The following TMC7 variants were observed in gnomAD, a reference collection of about 807,000 sequenced individuals.
TMC7 encodes transmembrane channel like 7.
In TMC7, 54 loss-of-function variants were observed where a neutral mutation model predicts 82.9. That is an observed-to-expected ratio of 0.65 (90% CI 0.52 to 0.82). TMC7 has a LOEUF of 0.82. Among genes scored for constraint, TMC7 ranks in the 40% least tolerant of loss-of-function variants. The pLI, the probability that TMC7 is intolerant of heterozygous loss-of-function variation, is 0.00. For synonymous variants in TMC7, 350 were observed against 337.9 expected, an observed-to-expected ratio of 1.04 and a Z score of -0.39; for missense variants, 820 against 901.2, an observed-to-expected ratio of 0.91 and a Z score of 1.15.
intron 8 of TMC7, 35 bp downstream of exon 8, chr16:19,038,082 C>G: frequency 6.3e-7 from 1 of 1,584,130 alleles, no homozygotes; most frequent in Non-Finnish European, 8.6e-7. Flanking sequence ...GACATTATGC[C>G]TAGTGCACTG....
intron 1 of TMC7, among the ~76,000 whole-genome samples, chr16:19,007,146 G>A (rs2039255218): frequency 6.6e-6 from 1 of 152,014 alleles, no homozygotes; most frequent in African/African-American, 2.4e-5. Context: ...TTGAAGACAC[G>A]AGCCTGGGGC....
chr16:19,024,931 G>A (rs1324609636), intron 5 of TMC7, among the ~76,000 whole-genome samples: 8 of 151,980 alleles, frequency 5.3e-5, no homozygotes, highest in Non-Finnish European at 7.4e-5. Flanking sequence ...ATGTGAACCC[G>A]GGAGGCGGAG....
intron 3 of TMC7, among the ~76,000 whole-genome samples, chr16:19,016,799 AGTT>A (rs1446975235): frequency 2.0e-5 from 3 of 152,166 alleles, no homozygotes; most frequent in Non-Finnish European, 2.9e-5. Flanking sequence ...TGTCCCTTCC[AGTT>A]GTTGTATTTA....
intron 1 of TMC7, 173 bp downstream of exon 1, chr16:18,984,303 C>G: frequency 7.6e-7 from 1 of 1,318,678 alleles, no homozygotes; most frequent in Non-Finnish European, 9.6e-7. Flanking sequence ...ATTCCTGCTC[C>G]CTCCACAAAC....
At chr16:19,040,251 C>T (rs747741008) in intron 8 of TMC7, 38 bp from the exon 9 acceptor site, 1 of 1,586,906 alleles carries the variant, frequency 6.3e-7, no homozygotes, top group East Asian at 2.2e-5. Flanking sequence ...GTAACTTCCT[C>T]ATATACTCCT....
chr16:18,992,608 C>G (rs201223828), intron 1 of TMC7, among the ~76,000 whole-genome samples: 1 of 151,928 alleles, frequency 6.6e-6, no homozygotes, highest in Non-Finnish European at 1.5e-5. Flanking sequence ...TTAATTAGAT[C>G]CCTTTTGTCA....
rs892238961 is a variant in TMC7 at position 19,050,793 on chromosome 16, G to A, written c.1741-893G>A. ...TGGGATTACAGGCGTGAGCCACCACGCCCGGCCTCATCCTTCTTTAGGACT... is the reference window on the plus strand; with the variant it reads ...TGGGATTACAGGCGTGAGCCACCACACCCGGCCTCATCCTTCTTTAGGACT... On this transcript the variant is annotated intron_variant, in intron 12 of 15. Coordinates refer to ENST00000304381, the MANE Select transcript of TMC7 (RefSeq NM_024847.4). Among the ~76,000 whole-genome samples, 6 of 151,670 alleles carry A rather than the reference G, an allele frequency of 4.0e-5. 1 individual carries two copies. Among genetic ancestry groups the A allele is most frequent in the Admixed American group, 2.0e-4 (3 of 15,210 alleles).
intron 1 of TMC7, 77 bp downstream of exon 1, chr16:18,984,207 G>T (rs1257749817): frequency 5.0e-6 from 7 of 1,393,228 alleles, no homozygotes; most frequent in Non-Finnish European, 6.5e-6. Flanking sequence ...GGTGCTGGAG[G>T]CTCGGCCTGG....
In TMC7 at chr16:19,035,529, A is replaced by G. The variant is rs1219710539; in HGVS notation, c.858-147A>G. ...TGAGATACCTTGTTAGCTGCCACATATATTTAGAATGGCCCCAAACTTGAC... is the reference window on the plus strand; with the variant it reads ...TGAGATACCTTGTTAGCTGCCACATGTATTTAGAATGGCCCCAAACTTGAC... On this transcript the variant is annotated intron_variant, in intron 6 of 15. Coordinates refer to ENST00000304381, the MANE Select transcript of TMC7 (RefSeq NM_024847.4). 1.1e-5 allele frequency: 9 copies of G among 817,234 alleles called. No homozygotes were observed. In the East Asian group the frequency reaches 2.1e-4, roughly 19 times the overall value. 50.6% of individuals were successfully genotyped at this position (817,234 alleles called of 1,614,324 possible). A position where few individuals can be genotyped will look rare whatever the true frequency, so the allele number is the denominator to read the frequency against.
rs193252373 is a variant in TMC7 at position 19,005,562 on chromosome 16, T to C, written c.68-3610T>C. Among the ~76,000 whole-genome samples the C allele has an allele frequency of 4.3e-3, 648 of 152,274 alleles. 2 individuals are homozygous for C. Among genetic ancestry groups the C allele is most frequent in the Non-Finnish European group, 6.9e-3 (471 of 68,016 alleles). ...AAATGTGACTCTGAGGCAGCTGTGG[T>C]CTCTCCTGGGGTGGCTTGGCTGGTG... On this transcript the variant is annotated intron_variant, in intron 1 of 15. Coordinates refer to ENST00000304381, the MANE Select transcript of TMC7 (RefSeq NM_024847.4).
In TMC7 at chr16:19,021,762, C is replaced by T. The variant is rs1959987414; in HGVS notation, c.594C>T (p.Asn198=). The change falls in exon 4 of 16, where the codon AAC becomes AAT. Residue 198 remains asparagine (N), a synonymous_variant. Transcript: ENST00000304381. ...TACTCACGAAATACAAGATCACCAA[C>T]AGCAGCTTCGTGCTCATTCCTTTCA... is the stretch of plus-strand genomic sequence containing the variant. ...PVLLTKYKIT[N]SSFVLIPFKD... 6.2e-7 allele frequency: 1 copy of T among 1,614,090 alleles called. No individual in the cohort carries two copies. The highest frequency in any genetic ancestry group is 1.3e-5 in the African/African-American group (1 of 74,948).
intron 7 of TMC7, among the ~76,000 whole-genome samples, chr16:19,037,527 G>A (rs1222464957): frequency 6.8e-6 from 1 of 147,402 alleles, no homozygotes; most frequent in Non-Finnish European, 1.5e-5. Flanking sequence ...CTGGAGTACA[G>A]TGACGTGATC....
chr16:19,010,318 C>T (rs1042267997), intron 2 of TMC7, among the ~76,000 whole-genome samples: 7 of 151,996 alleles, frequency 4.6e-5, no homozygotes, highest in Admixed American at 3.3e-4. Context: ...CCATGCCCAG[C>T]TAATTTTGTA....
chr16:19,024,469 C>T (rs1960128844), intron 5 of TMC7, among the ~76,000 whole-genome samples: 2 of 152,064 alleles, frequency 1.3e-5, no homozygotes, highest in Non-Finnish European at 2.9e-5. Flanking sequence ...CTTTTTTCAT[C>T]AAATAAGATT....
At chr16:18,987,010 T>TC (rs2038863027) in intron 1 of TMC7, among the ~76,000 whole-genome samples, 1 of 152,066 alleles carries the variant, frequency 6.6e-6, no homozygotes, top group African/African-American at 2.4e-5. Flanking sequence ...TTTCACCGTC[T>TC]TAGCCAGGAT....
intron 11 of TMC7, among the ~76,000 whole-genome samples, chr16:19,045,950 C>T (rs1310150020): frequency 2.6e-5 from 4 of 151,972 alleles, no homozygotes; most frequent in African/African-American, 7.2e-5. Flanking sequence ...AGGCTGGTCT[C>T]GAACTGGCCT....
At chr16:19,009,890 G>A (rs1213621337) in intron 2 of TMC7, among the ~76,000 whole-genome samples, 2 of 146,576 alleles carry the variant, frequency 1.4e-5, no homozygotes, top group Admixed American at 1.4e-4. Flanking sequence ...GCAGTGAGCC[G>A]AGATTGCGCC....
intron 1 of TMC7, among the ~76,000 whole-genome samples, chr16:18,987,014 C>A (rs1255040170): frequency 2.6e-5 from 4 of 152,074 alleles, no homozygotes; most frequent in Non-Finnish European, 5.9e-5. Flanking sequence ...ACCGTCTTAG[C>A]CAGGATGGTC....
intron 6 of TMC7, among the ~76,000 whole-genome samples, chr16:19,031,794 C>T (rs1440196340): frequency 1.3e-5 from 2 of 152,150 alleles, no homozygotes; most frequent in Non-Finnish European, 2.9e-5. Flanking sequence ...CTAAAGTTGA[C>T]CAAAGTTCAG....
Sources: gnomAD v4.1 joint callset for allele counts (sites outside exome capture counted in the v4.1 genomes callset) on GRCh38, gnomAD v4.1.1 for gene constraint, MANE v1.5 for transcripts, NCBI Gene and HGNC (gene_info 2026-07-23, HGNC 2026-07-21) for gene names.